ERICH6B: variants seen among roughly 807,000 people sequenced by gnomAD.
ERICH6B encodes glutamate rich 6B, also known as glutamate-rich protein 6B.
In ERICH6B, 69 loss-of-function variants were observed where a neutral mutation model predicts 80.0. That is an observed-to-expected ratio of 0.86 (90% CI 0.71 to 1.05). The LOEUF is 1.05. Among genes scored for constraint, ERICH6B ranks in the 50% least tolerant of loss-of-function variants. The probability of loss-of-function intolerance (pLI) is 0.00; values close to 1 mark genes in which losing one functional copy is unlikely to be tolerated. For synonymous variants in ERICH6B, 283 were observed against 291.9 expected (o/e 0.97, Z 0.31); for missense variants, 754 against 796.1 (o/e 0.95, Z 0.64).
chr13:45,557,516 C>T (rs1431041802), intron 11 of ERICH6B, among the ~76,000 whole-genome samples: 2 of 152,158 alleles, frequency 1.3e-5, no homozygotes, highest in African/African-American at 4.8e-5. Flanking sequence ...AAGCCAATGT[C>T]TAGAAAAGTT....
chr13:45,542,778 A>G (rs1873833803), intron 14 of ERICH6B, among the ~76,000 whole-genome samples: 1 of 152,184 alleles, frequency 6.6e-6, no homozygotes. Context: ...GGATGTCATT[A>G]TTCACCTGCA....
At chr13:45,600,862 C>T (rs1489777592) in intron 2 of ERICH6B, among the ~76,000 whole-genome samples, 1 of 152,158 alleles carries the variant, frequency 6.6e-6, no homozygotes, top group Non-Finnish European at 1.5e-5. Flanking sequence ...GGTTGATACC[C>T]AGGAGTGGAA....
At chr13:45,613,944 A>C (rs1949913707) in intron 1 of ERICH6B, among the ~76,000 whole-genome samples, 1 of 152,134 alleles carries the variant, frequency 6.6e-6, no homozygotes, top group African/African-American at 2.4e-5. Context: ...TGAGGTCTGG[A>C]AGGGCTGAGG....
chr13:45,573,024 G>A (rs780510094), intron 8 of ERICH6B, among the ~76,000 whole-genome samples: 27 of 152,020 alleles, frequency 1.8e-4, no homozygotes, highest in Admixed American at 4.6e-4. Context: ...TACTGGTAGG[G>A]AAATTTGTCA....
intron 14 of ERICH6B, 119 bp from the exon 15 acceptor site, chr13:45,541,799 G>T: frequency 1.1e-6 from 1 of 875,348 alleles, no homozygotes; most frequent in Non-Finnish European, 1.8e-6. Flanking sequence ...ACTCGAGAAA[G>T]CACATCTGTG....
intron 11 of ERICH6B, among the ~76,000 whole-genome samples, chr13:45,553,690 A>G (rs1481355712): frequency 6.6e-6 from 1 of 152,206 alleles, no homozygotes; most frequent in Non-Finnish European, 1.5e-5. Context: ...GAAGAGAGCC[A>G]GGCTCCAGCA....
At chr13:45,597,593 T>C (rs958240970) in intron 2 of ERICH6B, among the ~76,000 whole-genome samples, 1 of 152,146 alleles carries the variant, frequency 6.6e-6, no homozygotes, top group Admixed American at 6.5e-5. Context: ...GGCTACCACA[T>C]GCACTGTCAG....
intron 11 of ERICH6B, 85 bp downstream of exon 11, chr13:45,561,284 G>T: frequency 7.5e-7 from 1 of 1,327,588 alleles, no homozygotes. Flanking sequence ...GTTCCTTACA[G>T]CTCTCTGGTG....
In ERICH6B at chr13:45,590,621, C is replaced by T. The variant is rs565488472; in HGVS notation, c.686+28G>A. 6 of 1,548,230 alleles carry T rather than the reference C, an allele frequency of 3.9e-6. No individual in the cohort carries two copies. In the Admixed American group the frequency reaches 1.2e-4, roughly 31 times the overall value. Reference sequence around the variant, plus strand: ...ATTGTCCCCAAGCAGGAGTTTCCACCTGATTTATCCCAAAAGAAAACTGTT... The same window carrying T: ...ATTGTCCCCAAGCAGGAGTTTCCACTTGATTTATCCCAAAAGAAAACTGTT... On this transcript the variant is annotated intron_variant, in intron 4 of 14. Coordinates refer to ENST00000298738, the MANE Select transcript of ERICH6B (RefSeq NM_182542.3).
chr13:45,565,385 C>T (rs1285158721), intron 9 of ERICH6B, among the ~76,000 whole-genome samples: 1 of 152,142 alleles, frequency 6.6e-6, no homozygotes, highest in African/African-American at 2.4e-5. Flanking sequence ...TCATACCTGG[C>T]TCTCCAGGTT....
At chr13:45,603,052 AG>A (rs1442863002) in intron 2 of ERICH6B, among the ~76,000 whole-genome samples, 1 of 152,162 alleles carries the variant, frequency 6.6e-6, no homozygotes, top group Non-Finnish European at 1.5e-5. Flanking sequence ...GACATGGAGG[AG>A]GGGGGCCCCT....
chr13:45,598,862 C>T (rs774387394), intron 2 of ERICH6B, among the ~76,000 whole-genome samples: 33 of 152,104 alleles, frequency 2.2e-4, no homozygotes, highest in Non-Finnish European at 3.8e-4. Flanking sequence ...TTGGGACAGC[C>T]GGTATCTGAG....
chr13:45,595,128 G>T (rs1162240521), intron 3 of ERICH6B, among the ~76,000 whole-genome samples: 1 of 152,222 alleles, frequency 6.6e-6, no homozygotes, highest in East Asian at 1.9e-4. Flanking sequence ...GGCCGAATGG[G>T]TATCCTGAGA....
intron 3 of ERICH6B, among the ~76,000 whole-genome samples, chr13:45,595,401 A>G (rs1054057017): frequency 6.6e-6 from 1 of 152,140 alleles, no homozygotes; most frequent in African/African-American, 2.4e-5. Context: ...TCATATAAGT[A>G]TACAGTGTTT....
At chr13:45,602,959 C>T (rs1029681760) in intron 2 of ERICH6B, among the ~76,000 whole-genome samples, 5 of 152,114 alleles carry the variant, frequency 3.3e-5, no homozygotes, top group African/African-American at 7.2e-5. Flanking sequence ...TTTTGGAGGC[C>T]GAGAAGCCCC....
intron 14 of ERICH6B, among the ~76,000 whole-genome samples, chr13:45,542,572 C>T (rs537393324): frequency 6.6e-6 from 1 of 152,212 alleles, no homozygotes; most frequent in Non-Finnish European, 1.5e-5. Context: ...TCTCTCTGCC[C>T]ACAGCAGCCC....
rs1875010650 is a variant in ERICH6B at position 45,568,367 on chromosome 13, T to C, written c.1135A>G (p.Ile379Val). The C allele has an allele frequency of 6.5e-7, 1 of 1,549,178 alleles. No individual in the cohort carries two copies. The highest frequency in any genetic ancestry group is 8.7e-7 in the Non-Finnish European group (1 of 1,146,114). Residue 379 changes from isoleucine (I) to valine (V), a missense_variant, in exon 9 of 15, where the codon ATT becomes GTT. Ile to Val is a conservative substitution (Grantham distance 29, BLOSUM62 3). Transcript: ENST00000298738. The stretch of plus-strand genomic sequence containing the variant: ...CTTTCCAGTAGCTTAGTTAGGGGAA[T>C]GTCAAAATCCTCTTCCAGTTCATTG... ...AHNELEEDFD[I>V]PLTKLLESEN...
At chr13:45,599,119 A>C (rs928200650) in intron 2 of ERICH6B, among the ~76,000 whole-genome samples, 14 of 152,220 alleles carry the variant, frequency 9.2e-5, no homozygotes, top group African/African-American at 3.4e-4. Context: ...ATTTCCAGAG[A>C]ACCTACCTTG....
chr13:45,600,054 G>T (rs1259749290), intron 2 of ERICH6B, among the ~76,000 whole-genome samples: 3 of 152,190 alleles, frequency 2.0e-5, no homozygotes, highest in Non-Finnish European at 4.4e-5. Flanking sequence ...CACTGTCTTT[G>T]GGGCAAAGGG....
Sources: allele counts gnomAD v4.1 joint callset (sites outside exome capture counted in the v4.1 genomes callset), GRCh38; gene constraint gnomAD v4.1.1; transcripts MANE v1.5; gene names NCBI Gene and HGNC (gene_info 2026-07-23, HGNC 2026-07-21).